Variants in LYRM4 observed in about 807,000 individuals in gnomAD.
LYRM4 encodes LYR motif-containing protein 4.
A neutral mutation model predicts 11.7 loss-of-function variants in LYRM4; 9 were observed. That is an observed-to-expected ratio of 0.77 (90% CI 0.46 to 1.34). The LOEUF (loss-of-function observed/expected upper bound fraction) is 1.34. Among genes scored for constraint, LYRM4 ranks in the 40% most tolerant of loss-of-function variants. The probability of loss-of-function intolerance (pLI) is 0.00; values close to 1 mark genes in which losing one functional copy is unlikely to be tolerated. For missense variants in LYRM4, 133 were observed against 112.5 expected, an observed-to-expected ratio of 1.18 and a Z score of -0.82; for synonymous variants, 42 against 40.4, an observed-to-expected ratio of 1.04 and a Z score of -0.15.
chr6:5,201,401 A>G (rs182804708), intron 2 of LYRM4, among the ~76,000 whole-genome samples: 1 of 152,294 alleles, frequency 6.6e-6, no homozygotes, highest in Admixed American at 6.5e-5. Flanking sequence ...CAATGCATCA[A>G]ATCATCATCA....
intron 2 of LYRM4, among the ~76,000 whole-genome samples, chr6:5,149,968 G>A (rs552677626): frequency 3.9e-5 from 6 of 152,314 alleles, no homozygotes; most frequent in South Asian, 4.1e-4. Context: ...TAGGATAAAT[G>A]TAACAAAGGG....
chr6:5,260,611 G>GCCCCCCCCCC (rs754044531), intron 1 of LYRM4, 37 bp downstream of exon 1: 1 of 1,377,682 alleles, frequency 7.3e-7, no homozygotes, highest in South Asian at 1.3e-5. Flanking sequence ...CCGGCCCCTG[G>GCCCCCCCCCC]CCCCCCGCCC....
At chr6:5,109,604 G>C (rs1446116313) in intron 2 of LYRM4, 113 bp from the exon 3 acceptor site, 23 of 1,076,460 alleles carry the variant, frequency 2.1e-5, no homozygotes, top group Non-Finnish European at 3.1e-5. Context: ...TCCCAGGGCT[G>C]CTCCCTTCCG....
intron 2 of LYRM4, among the ~76,000 whole-genome samples, chr6:5,179,057 CAAAAAAACAAAAAAAAA>C (rs1759903459): frequency 4.0e-5 from 1 of 24,962 alleles, no homozygotes. Flanking sequence ...ACAAACAAAC[CAAAAAAACAAAAAAAAA>C]AAAAAAAAAA....
intron 2 of LYRM4, among the ~76,000 whole-genome samples, chr6:5,119,564 A>G (rs910816624): frequency 6.6e-6 from 1 of 151,968 alleles, no homozygotes; most frequent in African/African-American, 2.4e-5. Flanking sequence ...AGGCGGGCGG[A>G]TCACTTGTGG....
At chr6:5,035,051 T>G in the LYRM4 span, among the ~76,000 whole-genome samples, 1 of 151,994 alleles carries the variant, frequency 6.6e-6, no homozygotes. Context: ...TACTAGGATG[T>G]TGATAAACAA....
chr6:5,214,368 G>A (rs990383334), intron 2 of LYRM4, among the ~76,000 whole-genome samples: 2 of 152,204 alleles, frequency 1.3e-5, no homozygotes, highest in African/African-American at 2.4e-5. Context: ...TGAGATGGGA[G>A]CAAGAAGTTC....
intron 2 of LYRM4, among the ~76,000 whole-genome samples, chr6:5,191,425 A>G (rs1760748361): frequency 6.6e-6 from 1 of 152,206 alleles, no homozygotes; most frequent in African/African-American, 2.4e-5. Context: ...GCTACGCGCC[A>G]TTCTGAGAAG....
rs980237263 is a variant in LYRM4, at chr6:5,108,563, C to A, written c.*860G>T. On this transcript the variant is annotated 3_prime_UTR_variant, in exon 3 of 3. Transcript: ENST00000330636. ...CACCCCTCACTTACTGAGTCAGAAT[C>A]TGCAGAGAGGGAAGTGCTGAGAGAT... 5.4e-6 allele frequency: 2 copies of A among 372,876 alleles called. No homozygotes were observed. The highest frequency in any genetic ancestry group is 7.4e-6 in the Non-Finnish European group (2 of 269,766). The allele number at this position is 372,876 out of a possible 1,614,324, so 23.1% of individuals were successfully genotyped here.
At chr6:5,225,606 C>T (rs770147531) in intron 1 of LYRM4, among the ~76,000 whole-genome samples, 10 of 152,018 alleles carry the variant, frequency 6.6e-5, no homozygotes, top group Admixed American at 1.3e-4. Flanking sequence ...TTTAGGTAGC[C>T]GTTTATTAAT....
chr6:5,256,491 GAAAAAAAAAAAAAAAAAAAA>G (rs1161084364), intron 1 of LYRM4, among the ~76,000 whole-genome samples: 3 of 43,882 alleles, frequency 6.8e-5, no homozygotes, highest in Admixed American at 3.4e-4. Context: ...ATTTCAACTG[GAAAAAAAAAAAAAAAAAAAA>G]AAAAAAAAAA....
intron 2 of LYRM4, among the ~76,000 whole-genome samples, chr6:5,163,108 T>C (rs76805798): frequency 0.017 from 2,655 of 152,336 alleles, 27 homozygotes; most frequent in Middle Eastern, 0.037. Context: ...TTTTTTCCTT[T>C]TATGGTTCAC....
intron 1 of LYRM4, among the ~76,000 whole-genome samples, chr6:5,247,231 C>A (rs1764236015): frequency 6.6e-6 from 1 of 152,164 alleles, no homozygotes; most frequent in Non-Finnish European, 1.5e-5. Flanking sequence ...AATGTCCCCC[C>A]AAGTCCAGAG....
chr6:5,053,570 G>A, the LYRM4 span, among the ~76,000 whole-genome samples: 471 of 151,842 alleles, frequency 3.1e-3, 2 homozygotes, highest in African/African-American at 9.7e-3. Context: ...TGAGGCTGCA[G>A]CGAGCTATAA....
intron 2 of LYRM4, among the ~76,000 whole-genome samples, chr6:5,129,927 G>A (rs376081088): frequency 3.4e-4 from 52 of 152,308 alleles, no homozygotes; most frequent in African/African-American, 1.1e-3. Context: ...GGGTATGGAC[G>A]GGTGGGAAGG....
At chr6:5,066,393 C>T in the LYRM4 span, 1 of 736,514 alleles carries the variant, frequency 1.4e-6, no homozygotes, top group African/African-American at 1.8e-5. Flanking sequence ...TTCACCTCTA[C>T]TTGAGAACAT....
At chr6:5,071,980 A>AC in the LYRM4 span, among the ~76,000 whole-genome samples, 1 of 150,256 alleles carries the variant, frequency 6.7e-6, no homozygotes, top group African/African-American at 2.5e-5. Context: ...CCCTCTTCCC[A>AC]CCCCCAACCT....
intron 2 of LYRM4, among the ~76,000 whole-genome samples, chr6:5,125,818 A>G (rs1456162194): frequency 2.6e-5 from 4 of 152,180 alleles, no homozygotes; most frequent in African/African-American, 9.7e-5. Flanking sequence ...TGACCTCTGA[A>G]TCCCACAAAC....
the LYRM4 span, among the ~76,000 whole-genome samples, chr6:5,083,460 AGCAAGGGGACCG>A: frequency 6.6e-6 from 1 of 152,248 alleles, no homozygotes; most frequent in South Asian, 2.1e-4. Flanking sequence ...GCAAGAGTCC[AGCAAGGGGACCG>A]GCAGGGCCCC....
Sources: gnomAD v4.1 joint callset for allele counts (sites outside exome capture counted in the v4.1 genomes callset) on GRCh38, gnomAD v4.1.1 for gene constraint, MANE v1.5 for transcripts, NCBI Gene and HGNC (gene_info 2026-07-23, HGNC 2026-07-21) for gene names.